Variants in CTNNBIP1 observed in about 807,000 individuals in gnomAD.
CTNNBIP1 encodes beta-catenin-interacting protein 1.
CTNNBIP1 carries 7 observed loss-of-function variants against 11.8 expected under a neutral mutation model. The ratio of observed to expected loss-of-function variants is 0.60; its 90% CI spans 0.34 to 1.12. The LOEUF (loss-of-function observed/expected upper bound fraction) is 1.12. Among genes scored for constraint, CTNNBIP1 ranks in the 50% most tolerant of loss-of-function variants. The probability of loss-of-function intolerance (pLI) is 0.03; values close to 1 mark genes in which losing one functional copy is unlikely to be tolerated. For missense variants in CTNNBIP1, 101 were observed against 113.4 expected, an observed-to-expected ratio of 0.89 and a Z score of 0.50; for synonymous variants, 58 against 43.9, an observed-to-expected ratio of 1.32 and a Z score of -1.26.
At chr1:9,894,539 CTT>C (rs1639372034) in intron 1 of CTNNBIP1, among the ~76,000 whole-genome samples, 1 of 146,836 alleles carries the variant, frequency 6.8e-6, no homozygotes, top group African/African-American at 2.5e-5. Flanking sequence ...TTTTTCTTTT[CTT>C]TTGTGAGACA....
At chr1:9,909,646 C>A (rs982433486) in intron 1 of CTNNBIP1, among the ~76,000 whole-genome samples, 2 of 152,056 alleles carry the variant, frequency 1.3e-5, no homozygotes, top group African/African-American at 4.8e-5. Context: ...GAAGGCTCAC[C>A]GGGGAGGGGT....
Position 9,883,449 on chromosome 1 carries a change from C to A in CTNNBIP1, c.-110+256G>T, listed in dbSNP as rs951150558. On this transcript the variant is annotated intron_variant, in intron 2 of 5. Transcript: ENST00000377263. The surrounding 1 kb of genome is among the most constrained non-coding windows in gnomAD (Gnocchi z 5.6). ...GAGGTCCACCTGCCCCATCCCATGT[C>A]TACTCAGGCCCCACAGGCTCCTGTC... 2.6e-5 allele frequency among the ~76,000 whole-genome samples: 4 copies of A among 152,156 alleles called. No homozygotes were observed. The highest frequency in any genetic ancestry group is 9.7e-5 in the African/African-American group (4 of 41,436).
Position 9,871,751 on chromosome 1 carries a change from C to T in CTNNBIP1, c.96+218G>A, listed in dbSNP as rs188603939. On this transcript the variant is annotated intron_variant, in intron 4 of 5. Transcript: ENST00000377263. The surrounding 1 kb of genome is among the most constrained non-coding windows in gnomAD (Gnocchi z 5.2). ...GACCCTCACCCGCCTGGCCCCAATCCGGCAGTGTCGGGTGTCCCCAGAACT... is the reference window on the plus strand; with the variant it reads ...GACCCTCACCCGCCTGGCCCCAATCTGGCAGTGTCGGGTGTCCCCAGAACT... Among the ~76,000 whole-genome samples the T allele has an allele frequency of 1.7e-3, 266 of 152,270 alleles. No individual in the cohort carries two copies. Among genetic ancestry groups the T allele is most frequent in the Non-Finnish European group, 1.2e-3 (79 of 68,000 alleles).
rs533815901 is a variant in CTNNBIP1 at position 9,850,226 on chromosome 1, G to A, written c.*492C>T. 1 of 153,340 alleles carries A rather than the reference G, an allele frequency of 6.5e-6. No homozygotes were observed. Among genetic ancestry groups the A allele is most frequent in the Non-Finnish European group, 1.5e-5 (1 of 68,534 alleles). The allele number at this position is 153,340 out of a possible 1,614,324, so 9.5% of individuals were successfully genotyped here. A position where few individuals can be genotyped will look rare whatever the true frequency, so the allele number is the denominator to read the frequency against. On this transcript the variant is annotated 3_prime_UTR_variant, in exon 6 of 6. Transcript: ENST00000377263. ...ACCCTGTTTTCTGCATTCAAAATAGGGAAGCTGTTGATATCAGCAGAACAC... is the reference window on the plus strand; with the variant it reads ...ACCCTGTTTTCTGCATTCAAAATAGAGAAGCTGTTGATATCAGCAGAACAC...
intron 1 of CTNNBIP1, among the ~76,000 whole-genome samples, chr1:9,901,800 GC>G (rs1255272197): frequency 6.6e-6 from 1 of 152,216 alleles, no homozygotes; most frequent in Non-Finnish European, 1.5e-5. Context: ...GGATGCTGCT[GC>G]CCCGCCCCTC....
At chr1:9,900,698 C>T (rs1639505411) in intron 1 of CTNNBIP1, among the ~76,000 whole-genome samples, 2 of 152,352 alleles carry the variant, frequency 1.3e-5, no homozygotes, top group Non-Finnish European at 2.9e-5. Context: ...ACCACAAACT[C>T]TGGAAGACTG....
chr1:9,869,819 G>A (rs1328689308), intron 5 of CTNNBIP1, among the ~76,000 whole-genome samples: 2 of 152,238 alleles, frequency 1.3e-5, no homozygotes, highest in Non-Finnish European at 1.5e-5. Context: ...GTTGACATGA[G>A]TCAGAAGCCA....
intron 1 of CTNNBIP1, among the ~76,000 whole-genome samples, chr1:9,889,546 C>G (rs1299370520): frequency 1.3e-5 from 2 of 152,136 alleles, no homozygotes; most frequent in Non-Finnish European, 2.9e-5. Flanking sequence ...TTCCTGAGAC[C>G]AAGCCTCACA....
Position 9,897,692 on chromosome 1 carries a change from T to G in CTNNBIP1, c.-144+12403A>C, listed in dbSNP as rs140779300. 5.0e-3 allele frequency among the ~76,000 whole-genome samples: 756 copies of G among 151,310 alleles called. 9 individuals are homozygous for G. The highest frequency in any genetic ancestry group is 0.017 in the African/African-American group (716 of 41,256). On this transcript the variant is annotated intron_variant, in intron 1 of 5. Transcript: ENST00000377263. The stretch of plus-strand genomic sequence containing the variant: ...AGCCAAGCGTGGTGGCAGGCGCCTG[T>G]AATCCCAGTGACTCAGGTGGCTGAG...
Position 9,901,715 on chromosome 1 carries a change from C to G in CTNNBIP1, c.-144+8380G>C, listed in dbSNP as rs1639526561. Reference sequence around the variant, plus strand: ...ACAGCGTCACTGCGGGCTCCAATCACACTTGAAGATGTCCAGGTGCACTGA... The same window carrying G: ...ACAGCGTCACTGCGGGCTCCAATCAGACTTGAAGATGTCCAGGTGCACTGA... On this transcript the variant is annotated intron_variant, in intron 1 of 5. Coordinates refer to ENST00000377263, the MANE Select transcript of CTNNBIP1 (RefSeq NM_020248.3). Among the ~76,000 whole-genome samples, 4 of 152,284 alleles carry G rather than the reference C, an allele frequency of 2.6e-5. No homozygotes were observed. In the South Asian group the frequency reaches 8.3e-4, roughly 32 times the overall value.
chr1:9,853,268 G>C (rs956691132), intron 5 of CTNNBIP1, among the ~76,000 whole-genome samples: 7 of 152,184 alleles, frequency 4.6e-5, no homozygotes, highest in African/African-American at 1.4e-4. Context: ...GAGAAGGCAG[G>C]CTCTCAGTTC....
rs1017498648 is a variant in CTNNBIP1, at chr1:9,848,637, TGTGTGCACATGTGTATGA to T, written c.*2063_*2080del. On this transcript the variant is annotated 3_prime_UTR_variant, in exon 6 of 6. Transcript: ENST00000377263. The surrounding 1 kb of genome is among the most constrained non-coding windows in gnomAD (Gnocchi z 4.3). ...GGCCCCTGAGCGGGGAGAGTGCGTG[TGTGTGCACATGTGTATGA>T]GTGTGCACACGGGTGTGCTCACTCA... 7.2e-5 allele frequency: 11 copies of T among 152,242 alleles called. No individual in the cohort carries two copies. The highest frequency in any genetic ancestry group is 2.7e-4 in the African/African-American group (11 of 41,462). The allele number at this position is 152,242 out of a possible 1,614,324, so 9.4% of individuals were successfully genotyped here.
chr1:9,899,744 C>G (rs1390705405), intron 1 of CTNNBIP1, among the ~76,000 whole-genome samples: 1 of 147,748 alleles, frequency 6.8e-6, no homozygotes. Context: ...GGCGACAGAG[C>G]AAGGCTCCGT....
intron 1 of CTNNBIP1, among the ~76,000 whole-genome samples, chr1:9,905,126 C>G (rs1639592188): frequency 6.6e-6 from 1 of 152,194 alleles, no homozygotes; most frequent in African/African-American, 2.4e-5. Context: ...AAATATTCTC[C>G]TAGACCCCAG....
intron 1 of CTNNBIP1, among the ~76,000 whole-genome samples, chr1:9,903,129 G>C (rs7536748): frequency 0.068 from 10,293 of 152,148 alleles, 1,186 homozygotes; most frequent in African/African-American, 0.23. Context: ...TGTCCAGATT[G>C]TAATAAAGCC....
chr1:9,874,089 C>G (rs1489277012), intron 3 of CTNNBIP1, among the ~76,000 whole-genome samples: 1 of 152,122 alleles, frequency 6.6e-6, no homozygotes, highest in Non-Finnish European at 1.5e-5. Flanking sequence ...CGCTGTCAGC[C>G]CTGCCTCCCT....
At chr1:9,861,459 C>G (rs1638624480) in intron 5 of CTNNBIP1, among the ~76,000 whole-genome samples, 1 of 152,218 alleles carries the variant, frequency 6.6e-6, no homozygotes, top group Admixed American at 6.5e-5. Flanking sequence ...CAGGGGATGG[C>G]TTTTACCCAG....
rs990063282 is a variant in CTNNBIP1, at chr1:9,872,785, G to A, written c.-24-697C>T. Reference sequence around the variant, plus strand: ...CCAGCAGCGTGTCCACATGCAGCAGGGACCTAACCTGTAGAAAGTCCCCAG... The same window carrying A: ...CCAGCAGCGTGTCCACATGCAGCAGAGACCTAACCTGTAGAAAGTCCCCAG... On this transcript the variant is annotated intron_variant, in intron 3 of 5. Transcript: ENST00000377263. The surrounding 1 kb of genome is among the most constrained non-coding windows in gnomAD (Gnocchi z 4.0). 2.0e-5 allele frequency among the ~76,000 whole-genome samples: 3 copies of A among 152,144 alleles called. No homozygotes were observed. The highest frequency in any genetic ancestry group is 6.5e-5 in the Admixed American group (1 of 15,276).
At chr1:9,906,706 T>C (rs1267247518) in intron 1 of CTNNBIP1, among the ~76,000 whole-genome samples, 2 of 152,234 alleles carry the variant, frequency 1.3e-5, no homozygotes, top group East Asian at 1.9e-4. Context: ...ATGTGAGCCC[T>C]GTGAACAAGA....
Sources: allele counts gnomAD v4.1 joint callset (sites outside exome capture counted in the v4.1 genomes callset), GRCh38; gene constraint gnomAD v4.1.1; non-coding constraint Gnocchi (gnomAD v3.1); transcripts MANE v1.5; gene names NCBI Gene and HGNC (gene_info 2026-07-23, HGNC 2026-07-21).